Variants in ZNF74 observed in about 807,000 individuals in gnomAD.
ZNF74 encodes the protein zinc finger protein 520.
In ZNF74, 12 loss-of-function variants were observed where a neutral mutation model predicts 17.7. The observed-to-expected ratio is 0.68, with a 90% confidence interval of 0.43 to 1.10. The LOEUF (loss-of-function observed/expected upper bound fraction) is 1.10, where lower values mean the gene tolerates loss of function less well. Ranked by LOEUF, ZNF74 falls within the 50% of genes least tolerant of loss-of-function variation. ZNF74 has a pLI of 0.00. For missense variants in ZNF74, 811 were observed against 881.0 expected, an observed-to-expected ratio of 0.92 and a Z score of 1.01; for synonymous variants, 358 against 362.1, an observed-to-expected ratio of 0.99 and a Z score of 0.13.
chr22:20,401,605 C>T lies in ZNF74; in HGVS notation c.343+233C>T. On this transcript the variant is annotated intron_variant, in intron 4 of 4. Transcript: ENST00000400451. This position sits in a 1 kb window ranked among gnomAD's most constrained non-coding sequence, Gnocchi z 4.2. ...CCTGGCCACTGGGACCAAATGGTCA[C>T]CTGCTGATGGGGATGGGGAGGCAGG... is the stretch of plus-strand genomic sequence containing the variant. Among the ~76,000 whole-genome samples, 1 of 152,168 alleles carries T rather than the reference C, an allele frequency of 6.6e-6. No individual in the cohort carries two copies. The highest frequency in any genetic ancestry group is 1.9e-4 in the East Asian group (1 of 5,196).
chr22:20,398,970 G>C (rs1436487487), intron 2 of ZNF74, among the ~76,000 whole-genome samples: 3 of 152,062 alleles, frequency 2.0e-5, no homozygotes, highest in African/African-American at 7.2e-5. Context: ...AATATTTAGG[G>C]CATTTTCCAG....
Position 20,394,248 on chromosome 22 carries a change from C to G in ZNF74, c.-381C>G. ...CCCTCAGACCGTCGGCGGTCTCTGT[C>G]CGCTTCGGGACCTGTCCGCTGGTCG... On this transcript the variant is annotated 5_prime_UTR_variant, in exon 1 of 5. Coordinates refer to ENST00000400451, the MANE Select transcript of ZNF74 (RefSeq NM_003426.4). 1.4e-6 allele frequency: 1 copy of G among 704,750 alleles called. No individual in the cohort carries two copies. The highest frequency in any genetic ancestry group is 2.6e-6 in the Non-Finnish European group (1 of 381,438). 43.7% of individuals were successfully genotyped at this position (704,750 alleles called of 1,614,324 possible). A position where few individuals can be genotyped will look rare whatever the true frequency, so the allele number is the denominator to read the frequency against.
In ZNF74 at chr22:20,401,482, T is replaced by C. The variant is rs1189791660; in HGVS notation, c.343+110T>C. 2.8e-6 allele frequency: 2 copies of C among 720,118 alleles called. No homozygotes were observed. The highest frequency in any genetic ancestry group is 4.8e-6 in the Non-Finnish European group (2 of 415,740). The allele number at this position is 720,118 out of a possible 1,614,324, so 44.6% of individuals were successfully genotyped here. On this transcript the variant is annotated intron_variant, in intron 4 of 4. Transcript: ENST00000400451. This position sits in a 1 kb window ranked among gnomAD's most constrained non-coding sequence, Gnocchi z 4.2. ...TTTGCCCCGGCTCCATCTCCCCTTT[T>C]CAGGTCCCCCGCCAGACCCTCCTGC...
At chr22:20,404,785 T>G (rs1284476505) in intron 4 of ZNF74, among the ~76,000 whole-genome samples, 1 of 152,148 alleles carries the variant, frequency 6.6e-6, no homozygotes, top group Non-Finnish European at 1.5e-5. Flanking sequence ...CTTTTTTCCT[T>G]TTGGCACCAC....
chr22:20,405,777 C>A lies in ZNF74; in HGVS notation c.744C>A (p.Phe248Leu), dbSNP rs763367647. The A allele has an allele frequency of 3.1e-6, 5 of 1,609,802 alleles. No homozygotes were observed. The highest frequency in any genetic ancestry group is 1.3e-5 in the African/African-American group (1 of 74,864). ...GGGCGGGCGCCGGGGAGGGCGAGTT[C>A]GTGTGCGGCGAGTGCGGGAAGGCGT... ...QRGAGAGEGE[F>L]VCGECGKAFR... The change falls in exon 5 of 5, where the codon TTC (phenylalanine) becomes TTA (leucine). Residue 248 changes from phenylalanine to leucine, a missense_variant. Around this residue, in one of 3 missense-constraint regions of ZNF74, gnomAD observed 666 missense variants for 702.3 expected, o/e 0.95. Coordinates refer to ENST00000400451, the MANE Select transcript of ZNF74 (RefSeq NM_003426.4).
chr22:20,398,780 G>C (rs185442766), intron 2 of ZNF74, among the ~76,000 whole-genome samples: 1 of 151,504 alleles, frequency 6.6e-6, no homozygotes, highest in African/African-American at 2.4e-5. Context: ...ATATTGATTT[G>C]ATACCTTTTT....
rs370338861 is a variant in ZNF74, at chr22:20,399,391, T to A, written c.121-1241T>A. The A allele has an allele frequency of 4.8e-3, 808 of 168,714 alleles. 5 individuals are homozygous for A. The highest frequency in any genetic ancestry group is 0.019 in the African/African-American group (783 of 40,528). The allele number at this position is 168,714 out of a possible 1,614,324, so 10.5% of individuals were successfully genotyped here. ...TATAGGCACTTGAGCTTTTTTTTTT[T>A]AAATTAGTATTTGCAGGGTTTATCT... On this transcript the variant is annotated intron_variant, in intron 2 of 4. Transcript: ENST00000400451.
At chr22:20,404,926 C>A (rs1293165825) in intron 4 of ZNF74, among the ~76,000 whole-genome samples, 1 of 152,174 alleles carries the variant, frequency 6.6e-6, no homozygotes, top group East Asian at 1.9e-4. Flanking sequence ...GGCGACAGAG[C>A]GAGACTCGGT....
At chr22:20,394,769 T>TA (rs997266234) in intron 1 of ZNF74, 107 bp downstream of exon 1, 14 of 1,239,742 alleles carry the variant, frequency 1.1e-5, no homozygotes, top group Non-Finnish European at 1.6e-5. Flanking sequence ...ATCTTTTTTT[T>TA]TTTTTTTAAA....
rs971156155 is a variant in ZNF74, at chr22:20,407,320, G to T, written c.*352G>T. On this transcript the variant is annotated 3_prime_UTR_variant, in exon 5 of 5. Coordinates refer to ENST00000400451, the MANE Select transcript of ZNF74 (RefSeq NM_003426.4). ...ACCTGTAATCTTAACACTGTGGGAG[G>T]CCAAGGCAAGGGGATCACTTGAGCC... is the stretch of plus-strand genomic sequence containing the variant. 2 of 236,732 alleles carry T rather than the reference G, an allele frequency of 8.4e-6. No individual in the cohort carries two copies. Among genetic ancestry groups the T allele is most frequent in the African/African-American group, 2.3e-5 (1 of 43,806 alleles). 14.7% of individuals were successfully genotyped at this position (236,732 alleles called of 1,614,324 possible).
intron 4 of ZNF74, among the ~76,000 whole-genome samples, chr22:20,403,176 CTGCTCTG>C (rs1338911076): frequency 6.6e-6 from 1 of 151,968 alleles, no homozygotes; most frequent in East Asian, 1.9e-4. Context: ...CCTCTTCTCT[CTGCTCTG>C]TGCAACTTCC....
chr22:20,396,884 G>T (rs1305301732), intron 2 of ZNF74, among the ~76,000 whole-genome samples: 1 of 152,056 alleles, frequency 6.6e-6, no homozygotes, highest in East Asian at 1.9e-4. Flanking sequence ...TTTCCCTGCA[G>T]AATGATGACA....
Position 20,406,372 on chromosome 22 carries a change from G to A in ZNF74, c.1339G>A (p.Ala447Thr). Residue 447 changes from alanine to threonine, a missense_variant, in exon 5 of 5, where the codon GCC (alanine) becomes ACC (threonine). Around this residue, in one of 3 missense-constraint regions of ZNF74, gnomAD observed 666 missense variants for 702.3 expected, o/e 0.95. Transcript: ENST00000400451. ...THTGEKPFKC[A>T]DCGKGFSCHA... Reference sequence around the variant, plus strand: ...CACGGGCGAGAAGCCCTTCAAGTGCGCCGACTGCGGGAAGGGCTTCAGCTG... The same window carrying A: ...CACGGGCGAGAAGCCCTTCAAGTGCACCGACTGCGGGAAGGGCTTCAGCTG... 1 of 1,613,094 alleles carries A rather than the reference G, an allele frequency of 6.2e-7. No homozygotes were observed. Among genetic ancestry groups the A allele is most frequent in the Admixed American group, 1.7e-5 (1 of 59,976 alleles).
chr22:20,405,677 C>G lies in ZNF74; in HGVS notation c.644C>G (p.Ala215Gly). ...QATEGRTKAP[A>G]RLCAGENAST... ...ACTGAGGGCAGAACCAAGGCCCCCG[C>G]GAGACTGTGTGCAGGGGAAAACGCC... is the stretch of plus-strand genomic sequence containing the variant. Residue 215 changes from alanine (A) to glycine (G), a missense_variant, in exon 5 of 5, where the codon GCG becomes GGG. Transcript: ENST00000400451. 1 of 1,610,048 alleles carries G rather than the reference C, an allele frequency of 6.2e-7. No homozygotes were observed. Among genetic ancestry groups the G allele is most frequent in the East Asian group, 2.2e-5 (1 of 44,654 alleles).
At chr22:20,402,221 C>G (rs1007302809) in intron 4 of ZNF74, among the ~76,000 whole-genome samples, 3 of 152,150 alleles carry the variant, frequency 2.0e-5, no homozygotes, top group Non-Finnish European at 4.4e-5. Flanking sequence ...CATCCCCCTC[C>G]ACTGCCACAT....
Position 20,401,197 on chromosome 22 carries a change from C to G in ZNF74, c.248-80C>G. ...AGGGTGTCCACTTCACAGGCATTGT[C>G]CTTGTTAGGGGGCGGCCTGTAAGGT... On this transcript the variant is annotated intron_variant, in intron 3 of 4. Transcript: ENST00000400451. This position sits in a 1 kb window ranked among gnomAD's most constrained non-coding sequence, Gnocchi z 4.2. 1 of 915,590 alleles carries G rather than the reference C, an allele frequency of 1.1e-6. No individual in the cohort carries two copies. Among genetic ancestry groups the G allele is most frequent in the Non-Finnish European group, 1.7e-6 (1 of 580,558 alleles). 56.7% of individuals were successfully genotyped at this position (915,590 alleles called of 1,614,324 possible).
chr22:20,394,382 G>A lies in ZNF74; in HGVS notation c.-247G>A, dbSNP rs1342324891. 5.9e-6 allele frequency: 4 copies of A among 673,554 alleles called. No individual in the cohort carries two copies. The highest frequency in any genetic ancestry group is 8.2e-6 in the Non-Finnish European group (3 of 367,852). 41.7% of individuals were successfully genotyped at this position (673,554 alleles called of 1,614,324 possible). A position where few individuals can be genotyped will look rare whatever the true frequency, so the allele number is the denominator to read the frequency against. Reference sequence around the variant, plus strand: ...CGGGGGTGTGCCGGGGCGTGAGTGCGCCGAGCATGGGGCTGAGCCTGGTGT... The same window carrying A: ...CGGGGGTGTGCCGGGGCGTGAGTGCACCGAGCATGGGGCTGAGCCTGGTGT... On this transcript the variant is annotated 5_prime_UTR_variant, in exon 1 of 5. Transcript: ENST00000400451.
intron 2 of ZNF74, among the ~76,000 whole-genome samples, chr22:20,399,163 T>C (rs1339898913): frequency 1.3e-5 from 2 of 152,218 alleles, no homozygotes; most frequent in Admixed American, 6.5e-5. Flanking sequence ...TAGAGTGTTA[T>C]GTAAATATCA....
rs2052356701 is a variant in ZNF74 at position 20,401,483 on chromosome 22, C to T, written c.343+111C>T. ...TTGCCCCGGCTCCATCTCCCCTTTT[C>T]AGGTCCCCCGCCAGACCCTCCTGCC... On this transcript the variant is annotated intron_variant, in intron 4 of 4. Coordinates refer to ENST00000400451, the MANE Select transcript of ZNF74 (RefSeq NM_003426.4). The surrounding 1 kb of genome is among the most constrained non-coding windows in gnomAD (Gnocchi z 4.2). 1.3e-5 allele frequency: 9 copies of T among 717,040 alleles called. No individual in the cohort carries two copies. The East Asian group carries it at 2.4e-4, about 19-fold the overall frequency. 44.4% of individuals were successfully genotyped at this position (717,040 alleles called of 1,614,324 possible).
Sources: allele counts gnomAD v4.1 joint callset (sites outside exome capture counted in the v4.1 genomes callset), GRCh38; gene constraint gnomAD v4.1.1; regional missense constraint gnomAD v4.1.1; non-coding constraint Gnocchi (gnomAD v3.1); transcripts MANE v1.5; gene names NCBI Gene and HGNC (gene_info 2026-07-23, HGNC 2026-07-21).